Variants in UGT1A7 observed in about 807,000 individuals in gnomAD.
UGT1A7 encodes UDP-glucuronosyltransferase 1A7.
In UGT1A7, 33 loss-of-function variants were observed where a neutral mutation model predicts 45.6. That is an observed-to-expected ratio of 0.72 (90% CI 0.55 to 0.97). UGT1A7 has a LOEUF of 0.97. Among genes scored for constraint, UGT1A7 ranks in the 50% least tolerant of loss-of-function variants. The pLI is 0.00. For synonymous variants in UGT1A7, 274 were observed against 250.6 expected (o/e 1.09, Z -0.88); for missense variants, 684 against 666.2 (o/e 1.03, Z -0.29).
At position 233,700,867 on chromosome 2, in the gene UGT1A7, C is replaced by A. The variant is rs971203472; in HGVS notation, c.855+18075C>A. ...AGGTATATCTCCTAATGCTATCCCT[C>A]CCTCCTCCCCCCACCCCACAACAGT... is the stretch of plus-strand genomic sequence containing the variant. On this transcript the variant is annotated intron_variant, in intron 1 of 4. Coordinates refer to ENST00000373426, the MANE Select transcript of UGT1A7 (RefSeq NM_019077.3). Among the ~76,000 whole-genome samples, 16 of 151,914 alleles carry A rather than the reference C, an allele frequency of 1.1e-4. No individual in the cohort carries two copies. The East Asian group carries it at 2.7e-3, about 26-fold the overall frequency.
intron 1 of UGT1A7, among the ~76,000 whole-genome samples, chr2:233,697,479 C>T (rs1352633531): frequency 6.7e-6 from 1 of 150,054 alleles, no homozygotes; most frequent in Non-Finnish European, 1.5e-5. Context: ...TAGTCTAGCT[C>T]AAGGTTTGCC....
intron 1 of UGT1A7, chr2:233,756,419 A>G (rs760544825): frequency 6.6e-6 from 1 of 151,366 alleles, no homozygotes; most frequent in Non-Finnish European, 1.5e-5. Context: ...TATTATTTGT[A>G]CTGTTTTTTT....
Position 233,766,572 on chromosome 2 carries a change from G to A in UGT1A7, c.856-462G>A, listed in dbSNP as rs1699186765. On this transcript the variant is annotated intron_variant, in intron 1 of 4. Coordinates refer to ENST00000373426, the MANE Select transcript of UGT1A7 (RefSeq NM_019077.3). ...TCCTCACCTAGGTCCATGGGCACAG[G>A]TCTGGGGGTGGAGCCCTCGCCAGGG... Among the ~76,000 whole-genome samples, 3 of 152,322 alleles carry A rather than the reference G, an allele frequency of 2.0e-5. No individual in the cohort carries two copies. In the South Asian group the frequency reaches 6.2e-4, roughly 32 times the overall value.
chr2:233,717,658 A>G (rs1214490027), intron 1 of UGT1A7: 1 of 409,022 alleles, frequency 2.4e-6, no homozygotes, highest in Non-Finnish European at 5.0e-6. Flanking sequence ...ACAAGGAAGC[A>G]TCAGCAATCT....
At chr2:233,733,104 CTGTT>C (rs892202373) in intron 1 of UGT1A7, among the ~76,000 whole-genome samples, 2 of 152,132 alleles carry the variant, frequency 1.3e-5, no homozygotes, top group African/African-American at 4.8e-5. Context: ...TGGTTTGGCT[CTGTT>C]TGTCTGTTAT....
At chr2:233,713,162 G>A in intron 1 of UGT1A7, 1 of 1,614,256 alleles carries the variant, frequency 6.2e-7, no homozygotes, top group Non-Finnish European at 8.5e-7. Context: ...GAGGCCACCA[G>A]GTGGTGGTCC....
In UGT1A7 at chr2:233,751,878, G is replaced by T. The variant is rs139907629; in HGVS notation, c.856-15156G>T. On this transcript the variant is annotated intron_variant, in intron 1 of 4. Transcript: ENST00000373426. ...GTCTTTTATAAATTACCCCGTCTTG[G>T]GTATGTCTTTATAGCAGTGTGAGAA... Among the ~76,000 whole-genome samples the T allele has an allele frequency of 2.6e-5, 4 of 152,104 alleles. No homozygotes were observed. In the East Asian group the frequency reaches 7.7e-4, roughly 29 times the overall value.
intron 1 of UGT1A7, among the ~76,000 whole-genome samples, chr2:233,689,513 T>A (rs373706138): frequency 6.6e-6 from 1 of 152,208 alleles, no homozygotes; most frequent in East Asian, 1.9e-4. Flanking sequence ...GGTTACACAT[T>A]GGTTTGGTCA....
rs768211852 is a variant in UGT1A7 at position 233,729,747 on chromosome 2, C to T, written c.856-37287C>T. 3.1e-6 allele frequency: 5 copies of T among 1,614,002 alleles called. No individual in the cohort carries two copies. The South Asian group carries it at 4.4e-5, about 14-fold the overall frequency. The stretch of plus-strand genomic sequence containing the variant: ...CAACCAATTCAGACCACATGACATT[C>T]ATGCAAAGGGTCAAGAACATGCTCT... On this transcript the variant is annotated intron_variant, in intron 1 of 4. Coordinates refer to ENST00000373426, the MANE Select transcript of UGT1A7 (RefSeq NM_019077.3).
At chr2:233,751,840 C>G (rs55891750) in intron 1 of UGT1A7, among the ~76,000 whole-genome samples, 1 of 152,044 alleles carries the variant, frequency 6.6e-6, no homozygotes, top group Non-Finnish European at 1.5e-5. Flanking sequence ...GGAACTGAGT[C>G]ATTTAAACCT....
intron 1 of UGT1A7, among the ~76,000 whole-genome samples, chr2:233,762,064 C>A (rs574389899): frequency 1.3e-5 from 2 of 152,174 alleles, no homozygotes; most frequent in South Asian, 4.2e-4. Flanking sequence ...CATAGCACAT[C>A]AAATATGGCA....
At chr2:233,692,903 A>G in intron 1 of UGT1A7, 1 of 1,546,668 alleles carries the variant, frequency 6.5e-7, no homozygotes. Context: ...GGTAGACAGG[A>G]CCTGTGAAAA....
intron 1 of UGT1A7, chr2:233,719,331 T>C: frequency 6.2e-7 from 1 of 1,613,868 alleles, no homozygotes; most frequent in Non-Finnish European, 8.5e-7. Flanking sequence ...TCCTGCTGTG[T>C]TTTTTTGGAG....
At chr2:233,728,554 T>C (rs2077726263) in intron 1 of UGT1A7, among the ~76,000 whole-genome samples, 1 of 152,200 alleles carries the variant, frequency 6.6e-6, no homozygotes, top group Non-Finnish European at 1.5e-5. Flanking sequence ...CTCTGATCCT[T>C]ACAAGAAATA....
intron 1 of UGT1A7, among the ~76,000 whole-genome samples, chr2:233,696,419 C>T (rs1480641508): frequency 6.6e-6 from 1 of 152,042 alleles, no homozygotes; most frequent in African/African-American, 2.4e-5. Flanking sequence ...ATTTCCTTTT[C>T]AGTTTTTTCT....
chr2:233,713,168 G>T (rs773495849), intron 1 of UGT1A7: 1 of 1,614,094 alleles, frequency 6.2e-7, no homozygotes, highest in Non-Finnish European at 8.5e-7. Context: ...ACCAGGTGGT[G>T]GTCCTCACCC....
chr2:233,681,967 T>C lies in UGT1A7; in HGVS notation c.30T>C (p.Leu10=). MARAGWTGL[L]PLYVCLLLTC... is the part of the protein sequence containing the mutation. ...CTCGTGCAGGGTGGACTGGCCTCCT[T>C]CCCCTATATGTGTGTCTACTGCTGA... Residue 10 remains leucine (L), a synonymous_variant, in exon 1 of 5, where the codon CTT becomes CTC. Transcript: ENST00000373426. 1 of 1,614,120 alleles carries C rather than the reference T, an allele frequency of 6.2e-7. No homozygotes were observed. The highest frequency in any genetic ancestry group is 8.5e-7 in the Non-Finnish European group (1 of 1,179,970).
rs564101757 is a variant in UGT1A7, at chr2:233,734,503, C to G, written c.856-32531C>G. On this transcript the variant is annotated intron_variant, in intron 1 of 4. Transcript: ENST00000373426. ...GATTTTTTTGAAGGTTTTTTTGTGTCTCTATCTCTTTCAGTTCTGCTCTGA... is the reference window on the plus strand; with the variant it reads ...GATTTTTTTGAAGGTTTTTTTGTGTGTCTATCTCTTTCAGTTCTGCTCTGA... Among the ~76,000 whole-genome samples the G allele has an allele frequency of 2.0e-5, 3 of 152,124 alleles. No homozygotes were observed. The South Asian group carries it at 6.2e-4, about 32-fold the overall frequency.
chr2:233,730,167 A>T (rs999058879), intron 1 of UGT1A7, among the ~76,000 whole-genome samples: 1 of 152,206 alleles, frequency 6.6e-6, no homozygotes, highest in African/African-American at 2.4e-5. Flanking sequence ...CTAGTAGCGT[A>T]TTTCAGGTTT....
Sources: allele counts gnomAD v4.1 joint callset (sites outside exome capture counted in the v4.1 genomes callset), GRCh38; gene constraint gnomAD v4.1.1; transcripts MANE v1.5; gene names NCBI Gene and HGNC (gene_info 2026-07-23, HGNC 2026-07-21).